TTN: variants seen among roughly 807,000 people sequenced by gnomAD.
TTN encodes the protein titin.
In TTN, 1,525 loss-of-function variants were observed where a neutral mutation model predicts 3,223.0. That is an observed-to-expected ratio of 0.47 (90% CI 0.45 to 0.49). The LOEUF is 0.49. TTN is among the 20% of genes least tolerant of loss of function. The pLI is 0.00. For synonymous variants in TTN, 14,094 were observed against 15,161.0 expected (o/e 0.93, Z 5.17); for missense variants, 40,786 against 43,424.0 (o/e 0.94, Z 5.40).
Position 178,713,237 on chromosome 2 carries a change from A to G in TTN, c.26897T>C (p.Ile8966Thr). 6.2e-7 allele frequency: 1 copy of G among 1,613,218 alleles called. No individual in the cohort carries two copies. The highest frequency in any genetic ancestry group is 8.5e-7 in the Non-Finnish European group (1 of 1,179,574). Residue 8966 changes from isoleucine (I) to threonine (T), a missense_variant, in exon 93 of 363, where the codon ATC becomes ACC. Physicochemically the swap from Ile to Thr is moderately conservative, Grantham distance 89 (BLOSUM62 -1). Transcript: ENST00000589042. The part of the protein sequence containing the change: ...SVSWFHEGNE[I>T]SSGRKYQTTL... ...GGTCTGGTATTTCCTTCCACTACTG[A>G]TCTCATTTCCTTCATGGAACCAGGA...
At position 178,552,616 on chromosome 2, in the gene TTN, T is replaced by C. The variant is rs766497887; in HGVS notation, c.90284A>G (p.Glu30095Gly). 4 of 1,613,816 alleles carry C rather than the reference T, an allele frequency of 2.5e-6. No homozygotes were observed. Among genetic ancestry groups the C allele is most frequent in the Admixed American group, 3.3e-5 (2 of 59,990 alleles). The stretch of plus-strand genomic sequence containing the variant: ...CACTCTGAACTCCAGGACTGACTGC[T>C]CCTTAAGTTGGCTAACCTCAATTTC... ...TCEIEVSQLK[E>G]QSVLEFRVFA... is the part of the protein sequence containing the mutation. The change falls in exon 335 of 363, where the codon GAG becomes GGG. Residue 30095 changes from glutamate (E) to glycine (G), a missense_variant. By Grantham distance (98) the Glu-to-Gly change is moderately conservative (BLOSUM62 -2). Coordinates refer to ENST00000589042, the MANE Select transcript of TTN (RefSeq NM_001267550.2).
chr2:178,631,189 T>G lies in TTN; in HGVS notation c.43859A>C (p.Lys14620Thr). The G allele has an allele frequency of 6.2e-7, 1 of 1,613,294 alleles. No homozygotes were observed. Among genetic ancestry groups the G allele is most frequent in the African/African-American group, 1.3e-5 (1 of 75,034 alleles). ...GGATGGCTTTATTTCCTTCCCATCC[T>G]TAAACCATTTCACTGGTGCATCTGC... ...SKADAPVKWF[K>T]DGKEIKPSKN... Residue 14620 changes from lysine (K) to threonine (T), a missense_variant, in exon 237 of 363, where the codon AAG becomes ACG. Physicochemically the swap from Lys to Thr is moderately conservative, Grantham distance 78 (BLOSUM62 -1). Coordinates refer to ENST00000589042, the MANE Select transcript of TTN (RefSeq NM_001267550.2).
Position 178,559,315 on chromosome 2 carries a change from T to C in TTN, c.86817A>G (p.Ile28939Met), listed in dbSNP as rs1339393161. 5.0e-6 allele frequency: 8 copies of C among 1,586,108 alleles called. No individual in the cohort carries two copies. Among genetic ancestry groups the C allele is most frequent in the Non-Finnish European group, 6.0e-6 (7 of 1,165,920 alleles). Reference sequence around the variant, plus strand: ...TTCCTTATTCTTAAAACATACCTGTTATTTTTACTCCTTCCTTTGTTTCAG... The same window carrying C: ...TTCCTTATTCTTAAAACATACCTGTCATTTTTACTCCTTCCTTTGTTTCAG... ...IPAETKEGVK[I>M]TEKPSPPEKL... Residue 28939 changes from isoleucine (I) to methionine (M), a missense_variant, in exon 326 of 363, where the codon ATA becomes ATG. By Grantham distance (10) the Ile-to-Met change is conservative. Coordinates refer to ENST00000589042, the MANE Select transcript of TTN (RefSeq NM_001267550.2).
chr2:178,667,830 A>G lies in TTN; in HGVS notation c.35546-109T>C. 3 of 774,880 alleles carry G rather than the reference A, an allele frequency of 3.9e-6. No homozygotes were observed. The East Asian group carries it at 8.3e-5, about 21-fold the overall frequency. The allele number at this position is 774,880 out of a possible 1,614,324, so 48.0% of individuals were successfully genotyped here. A position where few individuals can be genotyped will look rare whatever the true frequency, so the allele number is the denominator to read the frequency against. ...CACATTCATCACCAAAATTAATAGT[A>G]GCACATAGAGGCAAATTAGTGGCTA... On this transcript the variant is annotated intron_variant, in intron 159 of 362. Coordinates refer to ENST00000589042, the MANE Select transcript of TTN (RefSeq NM_001267550.2).
In TTN at chr2:178,565,091, T is replaced by A. The variant is rs954420443; in HGVS notation, c.81041A>T (p.Asp27014Val). 1 of 1,613,626 alleles carries A rather than the reference T, an allele frequency of 6.2e-7. No homozygotes were observed. The highest frequency in any genetic ancestry group is 1.7e-5 in the Admixed American group (1 of 59,992). The change falls in exon 326 of 363, where the codon GAT (aspartate) becomes GTT (valine). Residue 27014 changes from aspartate to valine, a missense_variant. Asp to Val is a radical substitution (Grantham distance 152, BLOSUM62 -3). Coordinates refer to ENST00000589042, the MANE Select transcript of TTN (RefSeq NM_001267550.2). The stretch of plus-strand genomic sequence containing the variant: ...CATGTGCCAAGTGGTGGTGGTTGTA[T>A]CTCGCTTCTCTACAATGTAGTTGCT... ...QISNYIVEKR[D>V]TTTTTWHMVS...
chr2:178,585,115 G>C lies in TTN; in HGVS notation c.64629C>G (p.Asn21543Lys), dbSNP rs2048644499. ...TTTTCTGAGTGTCTGTCCCAGAACTGTTCTCTGCTGTGAGGCTGTAGTAAC... is the reference window on the plus strand; with the variant it reads ...TTTTCTGAGTGTCTGTCCCAGAACTCTTCTCTGCTGTGAGGCTGTAGTAAC... ...DSGYYSLTAE[N>K]SSGTDTQKIK... Residue 21543 changes from asparagine to lysine, a missense_variant, in exon 309 of 363, where the codon AAC becomes AAG. Physicochemically the swap from Asn to Lys is moderately conservative, Grantham distance 94 (BLOSUM62 0). Coordinates refer to ENST00000589042, the MANE Select transcript of TTN (RefSeq NM_001267550.2). 1 of 1,612,424 alleles carries C rather than the reference G, an allele frequency of 6.2e-7. No individual in the cohort carries two copies. Among genetic ancestry groups the C allele is most frequent in the Admixed American group, 1.7e-5 (1 of 59,882 alleles).
chr2:178,710,728 G>C lies in TTN; in HGVS notation c.28369C>G (p.Leu9457Val). ...CCAGAATCTCCTTTGTCTACTTTGA[G>C]GACTGTCAGGTGGGCGCTGTTTTCC... ...YLENSAHLTV[L>V]KVDKGDSGQY... The change falls in exon 98 of 363, where the codon CTC becomes GTC. Residue 9457 changes from leucine (L) to valine (V), a missense_variant. Transcript: ENST00000589042. The C allele has an allele frequency of 1.2e-6, 2 of 1,613,794 alleles. No individual in the cohort carries two copies. The highest frequency in any genetic ancestry group is 1.7e-6 in the Non-Finnish European group (2 of 1,179,822).
Position 178,696,196 on chromosome 2 carries a change from A to T in TTN, c.30876T>A (p.Val10292=). The T allele has an allele frequency of 6.4e-7, 1 of 1,562,796 alleles. No individual in the cohort carries two copies. The highest frequency in any genetic ancestry group is 1.4e-5 in the African/African-American group (1 of 73,834). ...KIMTITRKKE[V]QKEKEAVYEK... is the part of the protein sequence containing the mutation. The stretch of plus-strand genomic sequence containing the variant: ...CATACACAGCTTCTTTTTCTTTCTG[A>T]ACCTCTTTCTTTCTGGTTATAGTCA... Residue 10292 remains valine (V), a synonymous_variant, in exon 114 of 363, where the codon GTT becomes GTA. Coordinates refer to ENST00000589042, the MANE Select transcript of TTN (RefSeq NM_001267550.2).
At chr2:178,709,463 T>G in intron 99 of TTN, 103 bp downstream of exon 99, 1 of 1,199,086 alleles carries the variant, frequency 8.3e-7, no homozygotes, top group Non-Finnish European at 1.1e-6. Flanking sequence ...TGTATTTATA[T>G]TTGTTATAAC....
In TTN at chr2:178,569,126, C is replaced by G; in HGVS notation, c.77006G>C (p.Cys25669Ser). ...AGCTGTGACTCTAAAGTAATAACTG[C>G]AACCTTCTTGGAGCTGATCGATTTT... ...SWKIDQLQEGCSYYFRVTAEN... is the reference protein window; with the variant it reads ...SWKIDQLQEGSSYYFRVTAEN... Residue 25669 changes from cysteine (C) to serine (S), a missense_variant, in exon 326 of 363, where the codon TGC (cysteine) becomes TCC (serine). Cys to Ser is a moderately radical substitution (Grantham distance 112, BLOSUM62 -1). Coordinates refer to ENST00000589042, the MANE Select transcript of TTN (RefSeq NM_001267550.2). 1 of 1,613,498 alleles carries G rather than the reference C, an allele frequency of 6.2e-7. No homozygotes were observed. Among genetic ancestry groups the G allele is most frequent in the East Asian group, 2.2e-5 (1 of 44,846 alleles).
chr2:178,565,110 A>C lies in TTN; in HGVS notation c.81022T>G (p.Tyr27008Asp), dbSNP rs72648211. 5 of 1,613,514 alleles carry C rather than the reference A, an allele frequency of 3.1e-6. No individual in the cohort carries two copies. Among genetic ancestry groups the C allele is most frequent in the South Asian group, 2.2e-5 (2 of 91,026 alleles). ...GTTGTATCTCGCTTCTCTACAATGT[A>C]GTTGCTTATTTGGCAGCCACCAGTA... is the stretch of plus-strand genomic sequence containing the variant. Reference protein sequence around the residue: ...AYTGGCQISNYIVEKRDTTTT... With the variant: ...AYTGGCQISNDIVEKRDTTTT... Residue 27008 changes from tyrosine (Y) to aspartate (D), a missense_variant, in exon 326 of 363, where the codon TAC becomes GAC. Physicochemically the swap from Tyr to Asp is radical, Grantham distance 160. Transcript: ENST00000589042.
chr2:178,748,207 T>C (rs2084239530), intron 47 of TTN: 5 of 1,613,086 alleles, frequency 3.1e-6, no homozygotes, highest in Non-Finnish European at 3.4e-6. Context: ...GGGCACATGA[T>C]TCACTATAGA....
Position 178,595,486 on chromosome 2 carries a change from CAT to C in TTN, c.57847+19_57847+20del, listed in dbSNP as rs1559631916. The C allele has an allele frequency of 6.9e-7, 1 of 1,443,808 alleles. No homozygotes were observed. Among genetic ancestry groups the C allele is most frequent in the Admixed American group, 2.0e-5 (1 of 48,902 alleles). The allele number at this position is 1,443,808 out of a possible 1,614,324, so 89.4% of individuals were successfully genotyped here. On this transcript the variant is annotated intron_variant, in intron 295 of 362. Coordinates refer to ENST00000589042, the MANE Select transcript of TTN (RefSeq NM_001267550.2). ...ATGAGTAAAGAAGTGATTAAGTATA[CAT>C]TTTTTTTTTTTTACTTACTTATTGG...
chr2:178,603,849 A>G (rs752729174), intron 282 of TTN, 27 bp downstream of exon 282: 1 of 1,518,696 alleles, frequency 6.6e-7, no homozygotes, highest in South Asian at 1.4e-5. Context: ...TTTAGAAATT[A>G]GTCCCCAGAA....
rs1131691873 is a variant in TTN at position 178,553,913 on chromosome 2, C to G, written c.89197+1G>C. Reference sequence around the variant, plus strand: ...AAGATGCTGCAGGTATGAGCACTTACCAATAGGATCAGCAGCTTTGTAGAA... The same window carrying G: ...AAGATGCTGCAGGTATGAGCACTTAGCAATAGGATCAGCAGCTTTGTAGAA... On this transcript the variant is annotated splice_donor_variant, in intron 333 of 362. Transcript: ENST00000589042. LOFTEE classifies it high-confidence loss of function. 1.3e-6 allele frequency: 2 copies of G among 1,589,456 alleles called. No homozygotes were observed. The highest frequency in any genetic ancestry group is 1.7e-6 in the Non-Finnish European group (2 of 1,170,220).
At position 178,717,701 on chromosome 2, in the gene TTN, C is replaced by T. The variant is rs912662531; in HGVS notation, c.25173G>A (p.Val8391=). 1.9e-6 allele frequency: 3 copies of T among 1,613,372 alleles called. No homozygotes were observed. In the African/African-American group the frequency reaches 4.0e-5, roughly 22 times the overall value. Residue 8391 remains valine, a synonymous_variant, in exon 87 of 363, where the codon GTG becomes GTA. Transcript: ENST00000589042. The stretch of plus-strand genomic sequence containing the variant: ...AAAGAACCCCATCCTTGTACCAAGA[C>T]ACTTGAAGAGGTTCTGAGCCATTGA... ...CRINGSEPLQ[V]SWYKDGVLLK...
At chr2:178,781,370 C>G (rs941530220) in intron 20 of TTN, 107 bp from the exon 21 acceptor site, 10 of 1,278,186 alleles carry the variant, frequency 7.8e-6, no homozygotes, top group Non-Finnish European at 1.1e-5. Context: ...ATTCAATGAC[C>G]CTAAACATAT....
rs764676279 is a variant in TTN at position 178,567,741 on chromosome 2, G to A, written c.78391C>T (p.Pro26131Ser). ...CTAGCTTTCATCCAACGACCATCAG[G>A]CAAATCACGTTTCTCTACAATGTAG... ...TGYIVEKRDL[P>S]DGRWMKASFT... is the part of the protein sequence containing the mutation. Residue 26131 changes from proline to serine, a missense_variant, in exon 326 of 363, where the codon CCT (proline) becomes TCT (serine). Physicochemically the swap from Pro to Ser is moderately conservative, Grantham distance 74 (BLOSUM62 -1). Coordinates refer to ENST00000589042, the MANE Select transcript of TTN (RefSeq NM_001267550.2). 4 of 1,612,734 alleles carry A rather than the reference G, an allele frequency of 2.5e-6. No homozygotes were observed. The highest frequency in any genetic ancestry group is 3.4e-6 in the Non-Finnish European group (4 of 1,179,038).
chr2:178,750,336 A>G, intron 47 of TTN: 1 of 1,613,216 alleles, frequency 6.2e-7, no homozygotes, highest in South Asian at 1.1e-5. Flanking sequence ...ACTGTTCCAT[A>G]TTGGTTAAAT....
Sources: gnomAD v4.1 joint callset for allele counts on GRCh38, gnomAD v4.1.1 for gene constraint, MANE v1.5 for transcripts, NCBI Gene and HGNC (gene_info 2026-07-23, HGNC 2026-07-21) for gene names.